PACRG: variants seen among roughly 807,000 people sequenced by gnomAD.
PACRG encodes the protein parkin coregulated.
Under a neutral mutation model 29.7 loss-of-function variants are expected in PACRG, and 29 were observed. The ratio of observed to expected loss-of-function variants is 0.98; its 90% CI spans 0.73 to 1.33. The LOEUF is 1.33. PACRG is among the 40% of genes most tolerant of loss of function. The pLI, the probability that PACRG is intolerant of heterozygous loss-of-function variation, is 0.00. For missense variants in PACRG, 279 were observed against 316.2 expected (o/e 0.88, Z 0.89); for synonymous variants, 116 against 118.7 (o/e 0.98, Z 0.15).
chr6:163,149,223 C>T (rs1344964524), intron 4 of PACRG, among the ~76,000 whole-genome samples: 2 of 152,144 alleles, frequency 1.3e-5, no homozygotes, highest in African/African-American at 4.8e-5. Flanking sequence ...CCTCCTTCTC[C>T]TGCAGAGCTT....
intron 4 of PACRG, among the ~76,000 whole-genome samples, chr6:163,182,110 C>T (rs538003899): frequency 2.2e-4 from 33 of 152,310 alleles, no homozygotes; most frequent in African/African-American, 7.7e-4. Context: ...GTTCTTCTTG[C>T]GGTTTCAGTT....
At chr6:163,110,976 A>G (rs939673346) in intron 4 of PACRG, among the ~76,000 whole-genome samples, 2 of 152,130 alleles carry the variant, frequency 1.3e-5, no homozygotes, top group African/African-American at 4.8e-5. Flanking sequence ...GTCAAATCCA[A>G]ATATGCTCTT....
chr6:162,881,393 T>G (rs1389511769), intron 2 of PACRG, among the ~76,000 whole-genome samples: 2 of 152,042 alleles, frequency 1.3e-5, no homozygotes, highest in Non-Finnish European at 2.9e-5. Context: ...TGTATTAATG[T>G]CCCCAATCCG....
intron 2 of PACRG, among the ~76,000 whole-genome samples, chr6:163,043,796 T>A (rs759950599): frequency 6.6e-6 from 1 of 152,160 alleles, no homozygotes; most frequent in Admixed American, 6.5e-5. Context: ...ACATGGACAT[T>A]GTCGGAATCA....
In PACRG at chr6:163,180,781, T is replaced by C. The variant is rs1039867447; in HGVS notation, c.613+91373T>C. On this transcript the variant is annotated intron_variant, in intron 4 of 4. Transcript: ENST00000366888. ...GCACTGTTTCTTTAGGTTAAAAAAA[T>C]GGGCAAAAAATCTGATTTTATGTTT... Among the ~76,000 whole-genome samples, 13 of 152,110 alleles carry C rather than the reference T, an allele frequency of 8.5e-5. No homozygotes were observed. In the South Asian group the frequency reaches 1.2e-3, roughly 15 times the overall value.
At chr6:163,176,036 C>A (rs957768207) in intron 4 of PACRG, among the ~76,000 whole-genome samples, 1 of 152,090 alleles carries the variant, frequency 6.6e-6, no homozygotes, top group African/African-American at 2.4e-5. Flanking sequence ...GTCAAAGTAA[C>A]CTTACACAAA....
intron 4 of PACRG, among the ~76,000 whole-genome samples, chr6:163,209,367 G>A (rs1477476237): frequency 1.3e-5 from 2 of 152,218 alleles, no homozygotes; most frequent in African/African-American, 4.8e-5. Context: ...AATGGATTTG[G>A]ATGGGCAAGG....
At chr6:163,005,151 C>T (rs1804949320) in intron 2 of PACRG, among the ~76,000 whole-genome samples, 1 of 151,832 alleles carries the variant, frequency 6.6e-6, no homozygotes, top group Admixed American at 6.6e-5. Context: ...TGGTATCACC[C>T]CTCTCATTCC....
chr6:162,747,781 A>G (rs1169618570), intron 1 of PACRG, among the ~76,000 whole-genome samples: 2 of 151,944 alleles, frequency 1.3e-5, no homozygotes, highest in African/African-American at 4.8e-5. Flanking sequence ...CTAGATCCCA[A>G]GGTAAACTAA....
chr6:163,042,539 TAAAG>T (rs1161673990), intron 2 of PACRG: 1 of 152,176 alleles, frequency 6.6e-6, no homozygotes, highest in African/African-American at 2.4e-5. Context: ...TTATGGCAAA[TAAAG>T]AAAACCTAGT....
chr6:163,308,367 A>G (rs1022362400), intron 4 of PACRG, among the ~76,000 whole-genome samples: 5 of 152,192 alleles, frequency 3.3e-5, no homozygotes, highest in Non-Finnish European at 5.9e-5. Flanking sequence ...AATCCAATAA[A>G]CACAAAGGAA....
At chr6:162,806,991 C>T (rs1197559308) in intron 1 of PACRG, among the ~76,000 whole-genome samples, 1 of 152,228 alleles carries the variant, frequency 6.6e-6, no homozygotes, top group Non-Finnish European at 1.5e-5. Context: ...TGCAGCTTCT[C>T]CATCAGCACT....
chr6:162,768,392 C>A (rs575815029), intron 1 of PACRG, among the ~76,000 whole-genome samples: 1 of 151,944 alleles, frequency 6.6e-6, no homozygotes, highest in East Asian at 1.9e-4. Context: ...TCCTCTGAGT[C>A]TTTTTTATCA....
At chr6:162,863,143 C>G (rs573655690) in intron 2 of PACRG, among the ~76,000 whole-genome samples, 42 of 152,318 alleles carry the variant, frequency 2.8e-4, no homozygotes, top group African/African-American at 9.4e-4. Flanking sequence ...GAGGGCAGCC[C>G]CTGGGCTTCA....
intron 2 of PACRG, among the ~76,000 whole-genome samples, chr6:162,875,304 C>T (rs992784206): frequency 2.0e-5 from 3 of 151,834 alleles, no homozygotes; most frequent in Non-Finnish European, 4.4e-5. Context: ...CATGCACACA[C>T]AGACATGCAC....
At chr6:162,747,300 G>A (rs1279815996) in intron 1 of PACRG, among the ~76,000 whole-genome samples, 2 of 122,496 alleles carry the variant, frequency 1.6e-5, no homozygotes, top group Non-Finnish European at 3.3e-5. Flanking sequence ...CTTCAGTTTT[G>A]GAACTCAGAC....
At chr6:162,892,393 A>C (rs1323843370) in intron 2 of PACRG, among the ~76,000 whole-genome samples, 3 of 152,146 alleles carry the variant, frequency 2.0e-5, no homozygotes, top group African/African-American at 7.2e-5. Context: ...CCAGAAAGGG[A>C]CCATCTTCTC....
At chr6:163,241,717 A>T (rs1055699945) in intron 4 of PACRG, among the ~76,000 whole-genome samples, 10 of 152,066 alleles carry the variant, frequency 6.6e-5, no homozygotes, top group Non-Finnish European at 1.5e-4. Flanking sequence ...TTTTGAATGG[A>T]GAAGGTAGGA....
chr6:163,017,413 T>C (rs1226979629), intron 2 of PACRG, among the ~76,000 whole-genome samples: 2 of 152,146 alleles, frequency 1.3e-5, no homozygotes, highest in East Asian at 3.8e-4. Context: ...CATCGTGAAG[T>C]ACCCTTTTAC....
Sources: allele counts gnomAD v4.1 joint callset (sites outside exome capture counted in the v4.1 genomes callset), GRCh38; gene constraint gnomAD v4.1.1; transcripts MANE v1.5; gene names NCBI Gene and HGNC (gene_info 2026-07-23, HGNC 2026-07-21).